TMEM184B: variants seen among roughly 807,000 people sequenced by gnomAD.
The protein encoded by TMEM184B is putative MAPK-activating protein FM08.
TMEM184B carries 17 observed loss-of-function variants against 41.8 expected under a neutral mutation model. The ratio of observed to expected loss-of-function variants is 0.41; its 90% confidence interval spans 0.28 to 0.61. The LOEUF (loss-of-function observed/expected upper bound fraction) is 0.61. Ranked by LOEUF, TMEM184B falls within the 20% of genes least tolerant of loss-of-function variation. The probability of loss-of-function intolerance (pLI) is 0.34; values close to 1 mark genes in which losing one functional copy is unlikely to be tolerated. For missense variants in TMEM184B, 393 were observed against 557.8 expected, an observed-to-expected ratio of 0.70 and a Z score of 2.98; for synonymous variants, 240 against 229.5, an observed-to-expected ratio of 1.05 and a Z score of -0.41.
intron 8 of TMEM184B, chr22:38,224,184 C>CG (rs1483859254): frequency 5.9e-5 from 9 of 152,166 alleles, no homozygotes; most frequent in Admixed American, 5.9e-4. Flanking sequence ...GGCACAATCT[C>CG]GCTCACTGCA....
At chr22:38,262,622 G>A (rs62230166) in intron 1 of TMEM184B, among the ~76,000 whole-genome samples, 14,340 of 152,252 alleles carry the variant, frequency 0.094, 816 homozygotes, top group South Asian at 0.22. Context: ...AAATCATGAC[G>A]TGAGCCAATC....
chr22:38,270,324 C>T (rs974703811), intron 1 of TMEM184B, among the ~76,000 whole-genome samples: 1 of 152,222 alleles, frequency 6.6e-6, no homozygotes, highest in African/African-American at 2.4e-5. Flanking sequence ...TCTCTGCTGC[C>T]TCCCCTACAA....
rs748308897 is a variant in TMEM184B at position 38,225,270 on chromosome 22, G to A, written c.787+154C>T. Among the ~76,000 whole-genome samples, 2 of 152,082 alleles carry A rather than the reference G, an allele frequency of 1.3e-5. No individual in the cohort carries two copies. The highest frequency in any genetic ancestry group is 2.9e-5 in the Non-Finnish European group (2 of 68,020). ...TCCCTAGCCCCTGGGAAAGGCCCTC[G>A]AGGGCTCAGATTTCACCCCCAGCAA... On this transcript the variant is annotated intron_variant, in intron 7 of 8. Coordinates refer to ENST00000361906, the MANE Select transcript of TMEM184B (RefSeq NM_012264.5). This position sits in a 1 kb window ranked among gnomAD's most constrained non-coding sequence, Gnocchi z 4.4.
At chr22:38,259,837 G>A (rs942126682) in intron 1 of TMEM184B, among the ~76,000 whole-genome samples, 7 of 152,070 alleles carry the variant, frequency 4.6e-5, no homozygotes, top group African/African-American at 1.7e-4. Flanking sequence ...GTGCAGTGGT[G>A]CGATCTCGGC....
intron 3 of TMEM184B, among the ~76,000 whole-genome samples, chr22:38,240,474 A>ATT (rs2091879864): frequency 6.6e-6 from 1 of 152,160 alleles, no homozygotes; most frequent in African/African-American, 2.4e-5. Flanking sequence ...TTATAAAGAA[A>ATT]ATCTGAGGCT....
At chr22:38,244,645 G>A (rs534556977) in intron 3 of TMEM184B, among the ~76,000 whole-genome samples, 1 of 152,250 alleles carries the variant, frequency 6.6e-6, no homozygotes, top group African/African-American at 2.4e-5. Context: ...TAGTAGAGAC[G>A]GGGTTTCTCC....
intron 1 of TMEM184B, among the ~76,000 whole-genome samples, chr22:38,253,147 C>T (rs9306326): frequency 0.34 from 50,954 of 151,634 alleles, 8,638 homozygotes; most frequent in Middle Eastern, 0.4. Flanking sequence ...GTCTCAAAAA[C>T]TAGTAAATAA....
At chr22:38,243,811 T>A (rs2091966394) in intron 3 of TMEM184B, among the ~76,000 whole-genome samples, 1 of 152,114 alleles carries the variant, frequency 6.6e-6, no homozygotes, top group South Asian at 2.1e-4. Context: ...GAAGTAGGCA[T>A]CTCCCATGGG....
intron 3 of TMEM184B, among the ~76,000 whole-genome samples, chr22:38,236,080 G>A (rs145393151): frequency 8.3e-4 from 126 of 152,360 alleles, no homozygotes; most frequent in African/African-American, 2.9e-3. Flanking sequence ...GTGAGGGACC[G>A]GAGGGCCTCT....
intron 1 of TMEM184B, among the ~76,000 whole-genome samples, chr22:38,257,171 A>G (rs2145745426): frequency 6.6e-6 from 1 of 152,142 alleles, no homozygotes; most frequent in East Asian, 1.9e-4. Flanking sequence ...AAAAGAAAAA[A>G]AAAATCCTCT....
In TMEM184B at chr22:38,241,419, G is replaced by A. The variant is rs1382378785; in HGVS notation, c.358+4516C>T. ...GAAAAGGAAATGCATTGGATGCAGT[G>A]GCTCATGCCTATAATCCCGGCACTT... On this transcript the variant is annotated intron_variant, in intron 3 of 8. Coordinates refer to ENST00000361906, the MANE Select transcript of TMEM184B (RefSeq NM_012264.5). 2.0e-5 allele frequency among the ~76,000 whole-genome samples: 3 copies of A among 152,032 alleles called. No individual in the cohort carries two copies. In the East Asian group the frequency reaches 5.8e-4, roughly 29 times the overall value.
At chr22:38,230,875 C>T (rs2091597358) in intron 4 of TMEM184B, 131 bp from the exon 5 acceptor site, 2 of 876,048 alleles carry the variant, frequency 2.3e-6, no homozygotes, top group African/African-American at 3.3e-5. Context: ...GACTTTGAAC[C>T]CGAGGCCAAG....
At chr22:38,260,678 C>T (rs1366997580) in intron 1 of TMEM184B, among the ~76,000 whole-genome samples, 1 of 152,148 alleles carries the variant, frequency 6.6e-6, no homozygotes, top group South Asian at 2.1e-4. Context: ...AATGAGTGAA[C>T]ACAGAAAGCA....
At position 38,239,742 on chromosome 22, in the gene TMEM184B, G is replaced by A. The variant is rs192415441; in HGVS notation, c.358+6193C>T. On this transcript the variant is annotated intron_variant, in intron 3 of 8. Coordinates refer to ENST00000361906, the MANE Select transcript of TMEM184B (RefSeq NM_012264.5). This position sits in a 1 kb window ranked among gnomAD's most constrained non-coding sequence, Gnocchi z 4.6. ...AAGACTAAGCCTGAATACGAAGGGCGAGAGGTCCTCTCAGATCTCTGCCAC... is the reference window on the plus strand; with the variant it reads ...AAGACTAAGCCTGAATACGAAGGGCAAGAGGTCCTCTCAGATCTCTGCCAC... Among the ~76,000 whole-genome samples, 53 of 152,322 alleles carry A rather than the reference G, an allele frequency of 3.5e-4. No individual in the cohort carries two copies. The highest frequency in any genetic ancestry group is 5.9e-4 in the Admixed American group (9 of 15,286).
chr22:38,254,195 T>G (rs1201172451), intron 1 of TMEM184B, among the ~76,000 whole-genome samples: 1 of 137,614 alleles, frequency 7.3e-6, no homozygotes, highest in Non-Finnish European at 1.5e-5. Flanking sequence ...AGAGCAAGAC[T>G]CTTGTCTCCA....
intron 1 of TMEM184B, among the ~76,000 whole-genome samples, chr22:38,265,269 T>C (rs1442369549): frequency 6.6e-6 from 1 of 152,126 alleles, no homozygotes; most frequent in Non-Finnish European, 1.5e-5. Context: ...TCAGCCCAAC[T>C]ACCCTTGTTC....
rs1179601424 is a variant in TMEM184B at position 38,231,224 on chromosome 22, T to C, written c.449+20A>G. The C allele has an allele frequency of 1.2e-6, 2 of 1,609,994 alleles. No individual in the cohort carries two copies. The highest frequency in any genetic ancestry group is 1.3e-5 in the African/African-American group (1 of 74,832). On this transcript the variant is annotated intron_variant, in intron 4 of 8. Coordinates refer to ENST00000361906, the MANE Select transcript of TMEM184B (RefSeq NM_012264.5). Reference sequence around the variant, plus strand: ...CAGGAAACGGGGTGGTTTAGGGCTCTGGGAAGACTCCATACTCACTCAATG... The same window carrying C: ...CAGGAAACGGGGTGGTTTAGGGCTCCGGGAAGACTCCATACTCACTCAATG...
Position 38,231,344 on chromosome 22 carries a change from G to A in TMEM184B, c.359-10C>T, listed in dbSNP as rs763793959. The A allele has an allele frequency of 9.3e-6, 15 of 1,609,682 alleles. No individual in the cohort carries two copies. The highest frequency in any genetic ancestry group is 1.7e-4 in the Middle Eastern group (1 of 6,054). On this transcript the variant is annotated splice_polypyrimidine_tract_variant and intron_variant, in intron 3 of 8. Coordinates refer to ENST00000361906, the MANE Select transcript of TMEM184B (RefSeq NM_012264.5). Reference sequence around the variant, plus strand: ...TTATAGATGACCAAGGCTGCGAAGAGAGTGTCCAGGAGAAACCAGTCAAAT... The same window carrying A: ...TTATAGATGACCAAGGCTGCGAAGAAAGTGTCCAGGAGAAACCAGTCAAAT...
chr22:38,226,485 T>C lies in TMEM184B; in HGVS notation c.617+294A>G. The C allele has an allele frequency of 2.8e-6, 1 of 359,332 alleles. No individual in the cohort carries two copies. Among genetic ancestry groups the C allele is most frequent in the Non-Finnish European group, 5.4e-6 (1 of 185,760 alleles). 22.3% of individuals were successfully genotyped at this position (359,332 alleles called of 1,614,324 possible). A position where few individuals can be genotyped will look rare whatever the true frequency, so the allele number is the denominator to read the frequency against. On this transcript the variant is annotated intron_variant, in intron 6 of 8. Coordinates refer to ENST00000361906, the MANE Select transcript of TMEM184B (RefSeq NM_012264.5). This position sits in a 1 kb window ranked among gnomAD's most constrained non-coding sequence, Gnocchi z 4.6. ...AGCCGACCTCTTGGGGCTCTGACCC[T>C]CTCGCTCCCTGCCTCAGCAGTGGTC... is the stretch of plus-strand genomic sequence containing the variant.
Sources: gnomAD v4.1 joint callset for allele counts (sites outside exome capture counted in the v4.1 genomes callset) on GRCh38, gnomAD v4.1.1 for gene constraint, Gnocchi (gnomAD v3.1) non-coding constraint, MANE v1.5 for transcripts, NCBI Gene and HGNC (gene_info 2026-07-23, HGNC 2026-07-21) for gene names.